The following CTNND2 variants were observed in gnomAD, a reference collection of about 807,000 sequenced individuals.
CTNND2 encodes catenin delta 2.
Under a neutral mutation model 144.4 loss-of-function variants are expected in CTNND2, and 22 were observed. The observed-to-expected ratio is 0.15, with a 90% CI of 0.11 to 0.22. The LOEUF is 0.22. Among genes scored for constraint, CTNND2 ranks in the 10% least tolerant of loss-of-function variants. The pLI is 1.00. For synonymous variants in CTNND2, 751 were observed against 695.6 expected (o/e 1.08, Z -1.25); for missense variants, 1,353 against 1,618.8 (o/e 0.84, Z 2.82).
chr5:11,680,455 A>G (rs1292545304), intron 2 of CTNND2, among the ~76,000 whole-genome samples: 3 of 152,112 alleles, frequency 2.0e-5, no homozygotes, highest in East Asian at 1.9e-4. Context: ...GGCAGCTGCT[A>G]AACACCCCAC....
chr5:11,471,752 C>A (rs2149956313), intron 3 of CTNND2, among the ~76,000 whole-genome samples: 1 of 152,236 alleles, frequency 6.6e-6, no homozygotes, highest in Middle Eastern at 3.4e-3. Context: ...CTGTCCTTGT[C>A]AAGGCTTAAT....
chr5:11,756,395 G>A (rs923878351), intron 1 of CTNND2, among the ~76,000 whole-genome samples: 1 of 151,638 alleles, frequency 6.6e-6, no homozygotes, highest in African/African-American at 2.4e-5. Flanking sequence ...TAAAGGAAAT[G>A]TAACTCCAAT....
intron 2 of CTNND2, among the ~76,000 whole-genome samples, chr5:11,696,905 T>G (rs1785164812): frequency 2.6e-5 from 4 of 152,242 alleles, no homozygotes; most frequent in Admixed American, 2.6e-4. Flanking sequence ...GATACATTTT[T>G]GCCCTTTATA....
intron 12 of CTNND2, among the ~76,000 whole-genome samples, chr5:11,123,929 C>T (rs1035607551): frequency 6.6e-6 from 1 of 152,222 alleles, no homozygotes; most frequent in African/African-American, 2.4e-5. Flanking sequence ...GGCCCCCACA[C>T]ACACCAGTTA....
intron 16 of CTNND2, among the ~76,000 whole-genome samples, chr5:11,032,406 T>TATA (rs1743576143): frequency 6.6e-6 from 1 of 152,354 alleles, no homozygotes; most frequent in South Asian, 2.1e-4. Context: ...ATTTGCACAC[T>TATA]ATAAATATAT....
chr5:11,685,187 C>T (rs1455154694), intron 2 of CTNND2, among the ~76,000 whole-genome samples: 1 of 152,112 alleles, frequency 6.6e-6, no homozygotes, highest in African/African-American at 2.4e-5. Flanking sequence ...TTTGTCCATA[C>T]CTAGAGTTAC....
intron 16 of CTNND2, 37 bp downstream of exon 16, chr5:11,082,659 T>C (rs1212276874): frequency 6.2e-7 from 1 of 1,604,282 alleles, no homozygotes; most frequent in Non-Finnish European, 8.5e-7. Flanking sequence ...ATATTTTCAC[T>C]TAACACTTGA....
chr5:11,050,324 T>G lies in CTNND2; in HGVS notation c.2789-27345A>C, dbSNP rs1745700847. 2.6e-5 allele frequency among the ~76,000 whole-genome samples: 4 copies of G among 152,324 alleles called. No homozygotes were observed. The South Asian group carries it at 8.3e-4, about 32-fold the overall frequency. ...CAAGGAGATACTAAGCTACGTTCAA[T>G]GTTTCCCTTTGGTTAACTGCCTGCT... On this transcript the variant is annotated intron_variant, in intron 16 of 21. Coordinates refer to ENST00000304623, the MANE Select transcript of CTNND2 (RefSeq NM_001332.4).
chr5:11,090,217 T>C (rs959710579), intron 15 of CTNND2, among the ~76,000 whole-genome samples: 16 of 152,246 alleles, frequency 1.1e-4, no homozygotes, highest in Non-Finnish European at 1.5e-5. Flanking sequence ...GCTGTGATCA[T>C]GCTGTGTCAA....
chr5:11,463,854 C>CAAA (rs34924245), intron 3 of CTNND2, among the ~76,000 whole-genome samples: 12 of 123,620 alleles, frequency 9.7e-5, no homozygotes, highest in South Asian at 2.6e-4. Context: ...GCGTCCCTTA[C>CAAA]AAAAAAAAAA....
intron 9 of CTNND2, among the ~76,000 whole-genome samples, chr5:11,276,152 T>C (rs576026919): frequency 1.1e-4 from 16 of 152,306 alleles, no homozygotes; most frequent in East Asian, 5.8e-4. Context: ...TTCGAGAAAA[T>C]GTCTCCCTGG....
chr5:11,771,211 G>GTTTTTTTTT (rs1302426806), intron 1 of CTNND2, among the ~76,000 whole-genome samples: 1 of 125,300 alleles, frequency 8.0e-6, no homozygotes, highest in Non-Finnish European at 1.6e-5. Context: ...TTTTTTTTTG[G>GTTTTTTTTT]GATGGAGTCT....
intron 1 of CTNND2, among the ~76,000 whole-genome samples, chr5:11,735,547 C>G (rs1397129718): frequency 6.6e-6 from 1 of 152,130 alleles, no homozygotes. Flanking sequence ...TGGCTATGTC[C>G]CCCGACAAAT....
At chr5:11,486,919 T>C (rs1768887148) in intron 3 of CTNND2, among the ~76,000 whole-genome samples, 1 of 152,196 alleles carries the variant, frequency 6.6e-6, no homozygotes, top group Non-Finnish European at 1.5e-5. Context: ...ATATCACACA[T>C]AGTTTATTTG....
Position 11,301,043 on chromosome 5 carries a change from A to ATGGGC in CTNND2, c.1628+45324_1628+45328dup, listed in dbSNP as rs575119397. On this transcript the variant is annotated intron_variant, in intron 9 of 21. Coordinates refer to ENST00000304623, the MANE Select transcript of CTNND2 (RefSeq NM_001332.4). ...TTTGAGACGGAGTCTGGGCTGTTGCATGGGCTGGGCTGGGCTGGGCTGGAG... is the reference window on the plus strand; with the variant it reads ...TTTGAGACGGAGTCTGGGCTGTTGCATGGGCTGGGCTGGGCTGGGCTGGGCTGGAG... 1.2e-3 allele frequency among the ~76,000 whole-genome samples: 179 copies of ATGGGC among 152,018 alleles called. 1 individual carries two copies. Among genetic ancestry groups the ATGGGC allele is most frequent in the African/African-American group, 3.7e-3 (152 of 41,456 alleles).
At chr5:11,193,388 T>A (rs1165278393) in intron 11 of CTNND2, among the ~76,000 whole-genome samples, 1 of 152,224 alleles carries the variant, frequency 6.6e-6, no homozygotes, top group East Asian at 1.9e-4. Context: ...ATTTGAAGCA[T>A]CTCTACATTG....
chr5:11,101,181 C>T (rs973510346), intron 14 of CTNND2, among the ~76,000 whole-genome samples: 5 of 152,104 alleles, frequency 3.3e-5, no homozygotes, highest in African/African-American at 1.2e-4. Flanking sequence ...TCTGCCAGAC[C>T]TTTATCTGGG....
intron 3 of CTNND2, among the ~76,000 whole-genome samples, chr5:11,497,901 T>C (rs950834296): frequency 1.3e-5 from 2 of 152,034 alleles, no homozygotes; most frequent in Non-Finnish European, 2.9e-5. Flanking sequence ...ATTCAGCCAA[T>C]GGGATGTGAG....
At position 11,294,120 on chromosome 5, in the gene CTNND2, G is replaced by A. The variant is rs571321479; in HGVS notation, c.1628+52252C>T. ...GCACTGGTGGGTAAAACTGGTGCTTGAGCATGAATCCAGCCAGTGACATCA... is the reference window on the plus strand; with the variant it reads ...GCACTGGTGGGTAAAACTGGTGCTTAAGCATGAATCCAGCCAGTGACATCA... On this transcript the variant is annotated intron_variant, in intron 9 of 21. Transcript: ENST00000304623. Among the ~76,000 whole-genome samples, 11 of 149,202 alleles carry A rather than the reference G, an allele frequency of 7.4e-5. No homozygotes were observed. The South Asian group carries it at 2.3e-3, about 32-fold the overall frequency.
Sources: gnomAD v4.1 joint callset for allele counts (sites outside exome capture counted in the v4.1 genomes callset) on GRCh38, gnomAD v4.1.1 for gene constraint, MANE v1.5 for transcripts, NCBI Gene and HGNC (gene_info 2026-07-23, HGNC 2026-07-21) for gene names.